WNT5B: variants seen among roughly 807,000 people sequenced by gnomAD.
WNT5B encodes protein Wnt-5b.
WNT5B carries 18 observed loss-of-function variants against 36.5 expected under a neutral mutation model. The ratio of observed to expected loss-of-function variants is 0.49; its 90% confidence interval spans 0.34 to 0.73. The LOEUF is 0.73. WNT5B is among the 30% of genes least tolerant of loss of function. The pLI is 0.01. For synonymous variants in WNT5B, 213 were observed against 212.3 expected, an observed-to-expected ratio of 1.00 and a Z score of -0.03; for missense variants, 424 against 508.4, an observed-to-expected ratio of 0.83 and a Z score of 1.60.
At chr12:1,638,798 G>C (rs868162170) in intron 3 of WNT5B, among the ~76,000 whole-genome samples, 1 of 152,238 alleles carries the variant, frequency 6.6e-6, no homozygotes, top group East Asian at 1.9e-4. Context: ...AGACAGCTTG[G>C]ATTTTTCTAG....
At position 1,629,689 on chromosome 12, in the gene WNT5B, C is replaced by CCT. The variant is rs2094546441; in HGVS notation, c.-58+320_-58+321dup. 5.3e-5 allele frequency among the ~76,000 whole-genome samples: 8 copies of CCT among 152,122 alleles called. No individual in the cohort carries two copies. The South Asian group carries it at 1.7e-3, about 32-fold the overall frequency. On this transcript the variant is annotated intron_variant, in intron 1 of 4. Transcript: ENST00000397196. ...GTCCTCCCTACTCGGGACCTGGTCG[C>CCT]CTCCCCTCCATAAAACCATTAGCTC... is the stretch of plus-strand genomic sequence containing the variant.
Position 1,646,132 on chromosome 12 carries a change from G to T in WNT5B, c.960G>T (p.Gly320=). ...ATGGCTGTGAGCTCATGTGCTGCGG[G>T]CGTGGCTACAACCAGTTCAAGAGCG... ...GMDGCELMCC[G]RGYNQFKSVQ... Residue 320 remains glycine, a synonymous_variant, in exon 5 of 5, where the codon GGG becomes GGT. Transcript: ENST00000397196. 1 of 1,613,964 alleles carries T rather than the reference G, an allele frequency of 6.2e-7. No individual in the cohort carries two copies.
At chr12:1,640,439 A>G (rs966536025) in intron 4 of WNT5B, among the ~76,000 whole-genome samples, 7 of 152,204 alleles carry the variant, frequency 4.6e-5, no homozygotes, top group African/African-American at 1.4e-4. Context: ...CGTATCCAGA[A>G]CCCAGTCAAA....
At chr12:1,624,377 CAAAAAAA>C (rs34209948), upstream of WNT5B, among the ~76,000 whole-genome samples, 8 of 78,218 alleles carry the variant, frequency 1.0e-4, no homozygotes, top group Admixed American at 3.0e-4. Context: ...GACTCTGTCT[CAAAAAAA>C]AAAAAAAAAA....
rs139565423 is a variant in WNT5B at position 1,635,360 on chromosome 12, T to C, written c.328+2455T>C. Among the ~76,000 whole-genome samples, 168 of 152,352 alleles carry C rather than the reference T, an allele frequency of 1.1e-3. 1 individual carries two copies. The highest frequency in any genetic ancestry group is 3.9e-3 in the African/African-American group (162 of 41,576). ...AAGAATGATAGAAATAAATCAGACA[T>C]ATGTAGCTTGGAAAAGTGAAAACGT... is the stretch of plus-strand genomic sequence containing the variant. On this transcript the variant is annotated intron_variant, in intron 3 of 4. Transcript: ENST00000397196.
At chr12:1,628,236 A>C (rs1592521363), upstream of WNT5B, among the ~76,000 whole-genome samples, 1 of 151,290 alleles carries the variant, frequency 6.6e-6, no homozygotes, top group African/African-American at 2.4e-5. Flanking sequence ...GCTCACTGCA[A>C]CCTCCACCTC....
intron 4 of WNT5B, 64 bp from the exon 5 acceptor site, chr12:1,645,730 A>C: frequency 6.7e-7 from 1 of 1,498,404 alleles, no homozygotes. Context: ...TGGCTACCCC[A>C]GCCACCCTCT....
chr12:1,623,184 G>GTTTTTTTT (rs1555156800), intron 1 of WNT5B, among the ~76,000 whole-genome samples: 7 of 53,490 alleles, frequency 1.3e-4, no homozygotes, highest in South Asian at 5.8e-4. Flanking sequence ...AGGGTTTTTT[G>GTTTTTTTT]TTGTTTTTTT....
chr12:1,620,533 C>CTTT, intron 1 of WNT5B, among the ~76,000 whole-genome samples: 1 of 150,366 alleles, frequency 6.7e-6, no homozygotes, highest in Non-Finnish European at 1.5e-5. Flanking sequence ...TGCTGCTATT[C>CTTT]TTTTGTTGTT....
upstream of WNT5B, among the ~76,000 whole-genome samples, chr12:1,625,979 C>CT (rs547219559): frequency 0.22 from 29,806 of 134,420 alleles, 4,013 homozygotes; most frequent in African/African-American, 0.35. Flanking sequence ...TTTTCTCTCT[C>CT]TTTTTTTTTT....
chr12:1,637,592 A>C (rs1207699897), intron 3 of WNT5B, among the ~76,000 whole-genome samples: 1 of 151,238 alleles, frequency 6.6e-6, no homozygotes, highest in Non-Finnish European at 1.5e-5. Flanking sequence ...AAAAAAAAAA[A>C]AAAAAAAACT....
At chr12:1,624,268 C>T (rs1282113942), upstream of WNT5B, among the ~76,000 whole-genome samples, 1 of 151,422 alleles carries the variant, frequency 6.6e-6, no homozygotes, top group Non-Finnish European at 1.5e-5. Flanking sequence ...CACCTGTAAT[C>T]CCAGCTACTC....
chr12:1,640,748 GAGCACACA>G (rs1188091220), intron 4 of WNT5B, among the ~76,000 whole-genome samples: 1 of 152,194 alleles, frequency 6.6e-6, no homozygotes, highest in Admixed American at 6.5e-5. Flanking sequence ...CCCCCCCTCT[GAGCACACA>G]TCCAGCCTCC....
At chr12:1,629,050 A>ATTT (rs1565605498), upstream of WNT5B, 4,323 of 146,156 alleles carry the variant, frequency 0.03, 134 homozygotes, top group African/African-American at 0.089. Context: ...GCAATTTTTA[A>ATTT]AAAAAAAAAC....
upstream of WNT5B, among the ~76,000 whole-genome samples, chr12:1,624,918 G>T (rs530363892): frequency 6.6e-6 from 1 of 152,126 alleles, no homozygotes; most frequent in Admixed American, 6.5e-5. Flanking sequence ...CTCAACCCAT[G>T]AGAATGAGAT....
rs2094530062 is a variant in WNT5B, at chr12:1,618,740, T to A, written c.-58+1597T>A. ...ATTGTGCTTTTCCAAGTAAGATGAG[T>A]CATCTGAGATCTGCCATTTCTGGGA... On this transcript the variant is annotated intron_variant, in intron 1 of 4. Coordinates refer to the WNT5B transcript ENST00000310594. This position sits in a 1 kb window ranked among gnomAD's most constrained non-coding sequence, Gnocchi z 4.1. 6.6e-6 allele frequency among the ~76,000 whole-genome samples: 1 copy of A among 152,152 alleles called. No individual in the cohort carries two copies. Among genetic ancestry groups the A allele is most frequent in the Non-Finnish European group, 1.5e-5 (1 of 68,028 alleles).
intron 3 of WNT5B, among the ~76,000 whole-genome samples, chr12:1,637,560 A>C (rs1217306811): frequency 2.1e-5 from 3 of 139,608 alleles, no homozygotes; most frequent in Admixed American, 7.3e-5. Flanking sequence ...AGATGGTGAA[A>C]CCTCGTCTCT....
chr12:1,641,998 G>C (rs1299034420), intron 4 of WNT5B, among the ~76,000 whole-genome samples: 2 of 152,170 alleles, frequency 1.3e-5, no homozygotes, highest in East Asian at 3.8e-4. Context: ...ATATGCCCAG[G>C]GTCTTCCTTA....
chr12:1,619,436 C>A (rs1227180220), intron 1 of WNT5B, among the ~76,000 whole-genome samples: 2 of 152,046 alleles, frequency 1.3e-5, no homozygotes. Flanking sequence ...TTAAGGCTGG[C>A]AGGGAAAGGC....
Sources: allele counts gnomAD v4.1 joint callset (sites outside exome capture counted in the v4.1 genomes callset), GRCh38; gene constraint gnomAD v4.1.1; non-coding constraint Gnocchi (gnomAD v3.1); transcripts MANE v1.5; gene names NCBI Gene and HGNC (gene_info 2026-07-23, HGNC 2026-07-21).